Variants in GMDS observed in about 807,000 individuals in gnomAD.
GMDS encodes the protein GDP-mannose 4,6 dehydratase.
A neutral mutation model predicts 49.9 loss-of-function variants in GMDS; 20 were observed. That is an observed-to-expected ratio of 0.40 (90% CI 0.28 to 0.58). The LOEUF (loss-of-function observed/expected upper bound fraction) is 0.58, where lower values mean the gene tolerates loss of function less well. Among genes scored for constraint, GMDS ranks in the 20% least tolerant of loss-of-function variants. The probability of loss-of-function intolerance (pLI) is 0.42; values close to 1 mark genes in which losing one functional copy is unlikely to be tolerated. For missense variants in GMDS, 362 were observed against 481.4 expected (o/e 0.75, Z 2.32); for synonymous variants, 177 against 178.6 (o/e 0.99, Z 0.07).
At chr6:1,771,017 A>T (rs377128714) in intron 7 of GMDS, among the ~76,000 whole-genome samples, 60 of 152,304 alleles carry the variant, frequency 3.9e-4, no homozygotes, top group African/African-American at 1.4e-3. Context: ...ATGTCTTCAT[A>T]GGATATATAA....
At chr6:1,692,533 C>T (rs1233785168) in intron 9 of GMDS, among the ~76,000 whole-genome samples, 1 of 152,204 alleles carries the variant, frequency 6.6e-6, no homozygotes, top group African/African-American at 2.4e-5. Flanking sequence ...TCCAATTACA[C>T]ACATACATTA....
intron 7 of GMDS, among the ~76,000 whole-genome samples, chr6:1,885,633 A>C (rs577353833): frequency 6.6e-6 from 1 of 152,144 alleles, no homozygotes; most frequent in African/African-American, 2.4e-5. Context: ...AGGTTGCCTA[A>C]GTATTAGAGG....
At chr6:1,702,172 A>G (rs756670178) in intron 9 of GMDS, among the ~76,000 whole-genome samples, 8 of 152,266 alleles carry the variant, frequency 5.3e-5, no homozygotes, top group Non-Finnish European at 1.2e-4. Context: ...GAGCTTTGAC[A>G]GCAGTAGCTG....
intron 7 of GMDS, among the ~76,000 whole-genome samples, chr6:1,805,743 T>C (rs1420282870): frequency 3.3e-5 from 5 of 152,218 alleles, no homozygotes; most frequent in Non-Finnish European, 7.3e-5. Context: ...TTTAAATGAA[T>C]AAATATCCTT....
chr6:1,772,446 G>A (rs930096242), intron 7 of GMDS, among the ~76,000 whole-genome samples: 1 of 152,130 alleles, frequency 6.6e-6, no homozygotes, highest in Non-Finnish European at 1.5e-5. Context: ...AATCCAAAAG[G>A]GGCCATTAAA....
Position 2,170,385 on chromosome 6 carries a change from G to T in GMDS, c.103-45654C>A, listed in dbSNP as rs138915538. ...TCATACCTATAATCTAAACATTTTG[G>T]AAGGCCAAGACAGGAGGATATCTTG... On this transcript the variant is annotated intron_variant, in intron 1 of 10. Coordinates refer to ENST00000380815, the MANE Select transcript of GMDS (RefSeq NM_001500.4). 4.0e-3 allele frequency among the ~76,000 whole-genome samples: 614 copies of T among 152,186 alleles called. 2 individuals carry two copies. Among genetic ancestry groups the T allele is most frequent in the Non-Finnish European group, 6.0e-3 (409 of 68,010 alleles).
intron 4 of GMDS, among the ~76,000 whole-genome samples, chr6:2,060,623 C>T (rs908288919): frequency 8.6e-5 from 13 of 151,910 alleles, no homozygotes; most frequent in African/African-American, 3.1e-4. Context: ...ATGTAGAGTA[C>T]GTTAGATAGT....
intron 9 of GMDS, among the ~76,000 whole-genome samples, chr6:1,637,061 G>A (rs181504676): frequency 7.2e-5 from 11 of 152,356 alleles, no homozygotes; most frequent in South Asian, 2.1e-4. Context: ...CTAGCCCAGC[G>A]CCAGGCATGG....
intron 7 of GMDS, among the ~76,000 whole-genome samples, chr6:1,877,263 CCTT>C (rs1759118986): frequency 6.6e-6 from 1 of 152,042 alleles, no homozygotes; most frequent in East Asian, 1.9e-4. Context: ...TGAAGGTACA[CCTT>C]CTTCTGTCAA....
intron 4 of GMDS, among the ~76,000 whole-genome samples, chr6:1,989,544 C>CCTCTTGTA (rs1424990727): frequency 3.9e-5 from 6 of 152,198 alleles, no homozygotes; most frequent in Non-Finnish European, 8.8e-5. Flanking sequence ...ATTCACTCTG[C>CCTCTTGTA]AGATTTGTAA....
chr6:1,692,192 C>A (rs1765197292), intron 9 of GMDS, among the ~76,000 whole-genome samples: 1 of 152,226 alleles, frequency 6.6e-6, no homozygotes, highest in Non-Finnish European at 1.5e-5. Flanking sequence ...TTGCCAGGGG[C>A]TCTTGGGCCT....
intron 4 of GMDS, among the ~76,000 whole-genome samples, chr6:2,097,772 G>T (rs1259782936): frequency 6.6e-6 from 1 of 152,112 alleles, no homozygotes; most frequent in Non-Finnish European, 1.5e-5. Flanking sequence ...CTGTTTGACT[G>T]TAGAAAAGAC....
intron 1 of GMDS, among the ~76,000 whole-genome samples, chr6:2,135,433 T>G (rs1425747116): frequency 2.0e-5 from 3 of 152,208 alleles, no homozygotes; most frequent in African/African-American, 7.2e-5. Flanking sequence ...GAATTTTCAT[T>G]GTTAAAAGCA....
At chr6:1,904,581 G>C (rs961121220) in intron 7 of GMDS, among the ~76,000 whole-genome samples, 3 of 152,230 alleles carry the variant, frequency 2.0e-5, no homozygotes, top group Non-Finnish European at 4.4e-5. Context: ...AGGCTTTCCT[G>C]ACAGAGCCGA....
rs1202973502 is a variant in GMDS, at chr6:1,668,248, C to T, written c.988-43708G>A. On this transcript the variant is annotated intron_variant, in intron 9 of 10. Coordinates refer to ENST00000380815, the MANE Select transcript of GMDS (RefSeq NM_001500.4). The stretch of plus-strand genomic sequence containing the variant: ...GCTGAGTTTCCAAATAAGTAGGATA[C>T]TGTTACTTTCTGTTAAAATGCTAAA... Among the ~76,000 whole-genome samples, 4 of 152,190 alleles carry T rather than the reference C, an allele frequency of 2.6e-5. No individual in the cohort carries two copies. The East Asian group carries it at 7.7e-4, about 29-fold the overall frequency.
At chr6:2,211,126 C>G (rs1780044021) in intron 1 of GMDS, among the ~76,000 whole-genome samples, 1 of 152,094 alleles carries the variant, frequency 6.6e-6, no homozygotes, top group South Asian at 2.1e-4. Context: ...CATAAATTAC[C>G]CAGTCTCAGG....
chr6:2,202,426 T>C (rs1429095355), intron 1 of GMDS, among the ~76,000 whole-genome samples: 2 of 108,762 alleles, frequency 1.8e-5, no homozygotes, highest in Non-Finnish European at 4.1e-5. Context: ...CTGCTGCCAA[T>C]TTCTTTCTAT....
chr6:1,827,071 A>T (rs1020563356), intron 7 of GMDS, among the ~76,000 whole-genome samples: 24 of 97,020 alleles, frequency 2.5e-4, no homozygotes, highest in Admixed American at 2.0e-3. Context: ...CTCTTAAAAA[A>T]ATATATATGT....
At chr6:1,810,716 A>G (rs1770383948) in intron 7 of GMDS, among the ~76,000 whole-genome samples, 1 of 152,174 alleles carries the variant, frequency 6.6e-6, no homozygotes, top group African/African-American at 2.4e-5. Context: ...GGGTTTCCTC[A>G]GCCAAAGGAG....
Sources: gnomAD v4.1 joint callset for allele counts (sites outside exome capture counted in the v4.1 genomes callset) on GRCh38, gnomAD v4.1.1 for gene constraint, MANE v1.5 for transcripts, NCBI Gene and HGNC (gene_info 2026-07-23, HGNC 2026-07-21) for gene names.